Variants in THEMIS observed in about 807,000 individuals in gnomAD.
THEMIS encodes the protein protein THEMIS.
A neutral mutation model predicts 52.6 loss-of-function variants in THEMIS; 37 were observed. That is an observed-to-expected ratio of 0.70 (90% CI 0.54 to 0.93). The LOEUF (loss-of-function observed/expected upper bound fraction) is 0.93, where lower values mean the gene tolerates loss of function less well. Ranked by LOEUF, THEMIS falls within the 40% of genes least tolerant of loss-of-function variation. The pLI is 0.00. For missense variants in THEMIS, 808 were observed against 763.1 expected (o/e 1.06, Z -0.69); for synonymous variants, 292 against 272.7 (o/e 1.07, Z -0.70).
At chr6:127,905,512 G>A (rs1378802794), upstream of THEMIS, among the ~76,000 whole-genome samples, 3 of 151,998 alleles carry the variant, frequency 2.0e-5, no homozygotes, top group Non-Finnish European at 4.4e-5. Context: ...TTCTGCAGGC[G>A]AAAGTAAAAT....
At chr6:127,724,064 C>T (rs907957022) in intron 4 of THEMIS, among the ~76,000 whole-genome samples, 2 of 151,956 alleles carry the variant, frequency 1.3e-5, no homozygotes, top group South Asian at 2.1e-4. Flanking sequence ...TTATCAGTGG[C>T]CAGTATATAG....
chr6:127,749,053 A>G (rs541956089), intron 4 of THEMIS, among the ~76,000 whole-genome samples: 2 of 152,182 alleles, frequency 1.3e-5, no homozygotes, highest in African/African-American at 4.8e-5. Flanking sequence ...ACATTCCACA[A>G]TTCTTCATGA....
intron 2 of THEMIS, among the ~76,000 whole-genome samples, chr6:127,838,234 ACTC>A (rs762931420): frequency 7.9e-5 from 12 of 152,018 alleles, no homozygotes; most frequent in Non-Finnish European, 1.5e-4. Context: ...GGAAGGATAC[ACTC>A]CTCAGTTAGG....
chr6:127,711,898 A>C (rs1039004617), intron 5 of THEMIS, among the ~76,000 whole-genome samples: 6 of 152,024 alleles, frequency 3.9e-5, no homozygotes, highest in Non-Finnish European at 1.5e-5. Flanking sequence ...CTACAACTTA[A>C]CTGGCTGTGT....
intron 1 of THEMIS, among the ~76,000 whole-genome samples, chr6:127,880,110 T>C (rs1231051569): frequency 6.6e-6 from 1 of 152,174 alleles, no homozygotes; most frequent in Non-Finnish European, 1.5e-5. Flanking sequence ...GAATGAAAAA[T>C]TTGATGGCTG....
At chr6:127,841,429 G>A (rs1279291849) in intron 2 of THEMIS, among the ~76,000 whole-genome samples, 1 of 152,002 alleles carries the variant, frequency 6.6e-6, no homozygotes, top group Non-Finnish European at 1.5e-5. Flanking sequence ...AATTGTGCCG[G>A]TAAGAAAGAC....
At chr6:127,744,414 TGGGG>T (rs1008059899) in intron 4 of THEMIS, among the ~76,000 whole-genome samples, 4 of 151,978 alleles carry the variant, frequency 2.6e-5, no homozygotes, top group African/African-American at 9.7e-5. Flanking sequence ...ATAGTCAGAT[TGGGG>T]GACAATCCAT....
chr6:127,915,547 G>A (rs1386538298), intron 1 of THEMIS, among the ~76,000 whole-genome samples: 1 of 149,908 alleles, frequency 6.7e-6, no homozygotes, highest in Non-Finnish European at 1.5e-5. Flanking sequence ...GCTTGGGGCA[G>A]GAGGGGGCTA....
intron 1 of THEMIS, among the ~76,000 whole-genome samples, chr6:127,863,304 G>C (rs759201506): frequency 3.9e-5 from 6 of 152,092 alleles, no homozygotes; most frequent in Non-Finnish European, 7.4e-5. Context: ...TGATAACTGA[G>C]TCCCCATACA....
intron 4 of THEMIS, among the ~76,000 whole-genome samples, chr6:127,766,554 G>C (rs1013337626): frequency 3.9e-5 from 6 of 152,094 alleles, no homozygotes; most frequent in Non-Finnish European, 7.4e-5. Flanking sequence ...TTTTGTCATT[G>C]TGCAAGCACC....
chr6:127,749,257 T>C (rs973498602), intron 4 of THEMIS, among the ~76,000 whole-genome samples: 1 of 152,076 alleles, frequency 6.6e-6, no homozygotes. Context: ...TTCCTTTGTA[T>C]ACATTTTTCA....
At chr6:127,766,805 A>G (rs1776215444) in intron 4 of THEMIS, among the ~76,000 whole-genome samples, 1 of 152,222 alleles carries the variant, frequency 6.6e-6, no homozygotes, top group Non-Finnish European at 1.5e-5. Flanking sequence ...GGCACTTACT[A>G]TGAATGAAAT....
Position 127,768,388 on chromosome 6 carries a change from C to T in THEMIS, c.1758+44495G>A, listed in dbSNP as rs78896675. Among the ~76,000 whole-genome samples the T allele has an allele frequency of 2.8e-3, 422 of 152,250 alleles. 1 individual carries two copies. Among genetic ancestry groups the T allele is most frequent in the African/African-American group, 9.7e-3 (402 of 41,548 alleles). On this transcript the variant is annotated intron_variant, in intron 4 of 5. Coordinates refer to ENST00000368248, the MANE Select transcript of THEMIS (RefSeq NM_001010923.3). ...GCCTCTGTCAACCCCACAAGCTGTT[C>T]CTTCTGACTTCAAAGTGTAAATATT...
intron 4 of THEMIS, among the ~76,000 whole-genome samples, chr6:127,737,967 A>G (rs1775063901): frequency 6.6e-6 from 1 of 152,208 alleles, no homozygotes; most frequent in African/African-American, 2.4e-5. Flanking sequence ...AAGAGACTTC[A>G]AGGAAGGGCA....
At position 127,900,958 on chromosome 6, in the gene THEMIS, C is replaced by T. The variant is rs1197366576; in HGVS notation, c.-26G>A. The T allele has an allele frequency of 6.3e-7, 1 of 1,586,938 alleles. No individual in the cohort carries two copies. Among genetic ancestry groups the T allele is most frequent in the Non-Finnish European group, 8.7e-7 (1 of 1,156,062 alleles). ...TGCTATGCCTTGGGTAGTTTGTAGA[C>T]CTGGTGCTCACAGAAACTTGTGGCT... On this transcript the variant is annotated 5_prime_UTR_variant, in exon 1 of 6. Transcript: ENST00000368248.
At chr6:127,854,255 G>A (rs1779525019) in intron 2 of THEMIS, among the ~76,000 whole-genome samples, 1 of 151,742 alleles carries the variant, frequency 6.6e-6, no homozygotes, top group Non-Finnish European at 1.5e-5. Flanking sequence ...ATGCTCATTG[G>A]TTTATGTATT....
chr6:127,766,116 G>T (rs532903746), intron 4 of THEMIS, among the ~76,000 whole-genome samples: 6 of 151,972 alleles, frequency 3.9e-5, no homozygotes, highest in African/African-American at 1.2e-4. Flanking sequence ...ATTTGAAATC[G>T]CTGTCTAATA....
At chr6:127,727,822 A>G (rs1237396976) in intron 4 of THEMIS, among the ~76,000 whole-genome samples, 1 of 152,040 alleles carries the variant, frequency 6.6e-6, no homozygotes, top group Non-Finnish European at 1.5e-5. Context: ...TGGTCCTTGG[A>G]GCCTGCTTTC....
At chr6:127,889,953 A>G (rs191439342) in intron 1 of THEMIS, among the ~76,000 whole-genome samples, 1 of 152,284 alleles carries the variant, frequency 6.6e-6, no homozygotes, top group Non-Finnish European at 1.5e-5. Context: ...CCTATCAAGA[A>G]GAAAATGATA....
Sources: gnomAD v4.1 joint callset for allele counts (sites outside exome capture counted in the v4.1 genomes callset) on GRCh38, gnomAD v4.1.1 for gene constraint, MANE v1.5 for transcripts, NCBI Gene and HGNC (gene_info 2026-07-23, HGNC 2026-07-21) for gene names.